The following TMEM135 variants were observed in gnomAD, a reference collection of about 807,000 sequenced individuals.
TMEM135 encodes peroxisomal membrane protein 52.
Under a neutral mutation model 60.3 loss-of-function variants are expected in TMEM135, and 30 were observed. That is an observed-to-expected ratio of 0.50 (90% CI 0.37 to 0.68). The LOEUF (loss-of-function observed/expected upper bound fraction) is 0.68, where lower values mean the gene tolerates loss of function less well. Ranked by LOEUF, TMEM135 falls within the 30% of genes least tolerant of loss-of-function variation. The pLI, the probability that TMEM135 is intolerant of heterozygous loss-of-function variation, is 0.00. For missense variants in TMEM135, 468 were observed against 548.8 expected, an observed-to-expected ratio of 0.85 and a Z score of 1.47; for synonymous variants, 190 against 186.7, an observed-to-expected ratio of 1.02 and a Z score of -0.14.
intron 3 of TMEM135, among the ~76,000 whole-genome samples, chr11:87,082,716 C>T (rs1007455814): frequency 1.3e-5 from 2 of 152,066 alleles, no homozygotes; most frequent in Non-Finnish European, 2.9e-5. Flanking sequence ...ATTTAAGGAG[C>T]CAGTTGTCAA....
Position 87,326,481 on chromosome 11 carries a change from C to A in TMEM135, c.*5148C>A. ...GATTATTTTTGGTCACCTAAGAGGA[C>A]CCTGAAGCTATAGTGCCAAAGGTTT... On this transcript the variant is annotated 3_prime_UTR_variant, in exon 15 of 15. Transcript: ENST00000305494. 1 of 454,040 alleles carries A rather than the reference C, an allele frequency of 2.2e-6. No homozygotes were observed. Among genetic ancestry groups the A allele is most frequent in the Non-Finnish European group, 4.4e-6 (1 of 226,784 alleles). 28.1% of individuals were successfully genotyped at this position (454,040 alleles called of 1,614,324 possible).
At chr11:87,273,893 C>G (rs1941918183) in intron 6 of TMEM135, among the ~76,000 whole-genome samples, 1 of 152,010 alleles carries the variant, frequency 6.6e-6, no homozygotes, top group East Asian at 1.9e-4. Context: ...TTTTTCCCCC[C>G]AAGATCATTG....
At chr11:87,056,990 T>G (rs190407565) in intron 1 of TMEM135, among the ~76,000 whole-genome samples, 56 of 152,218 alleles carry the variant, frequency 3.7e-4, no homozygotes, top group African/African-American at 1.3e-3. Flanking sequence ...AAAGAGTGTT[T>G]TGGTTTAAAG....
chr11:87,098,977 C>CACGTTTAGTTTTTAAA (rs1857392797), intron 4 of TMEM135, among the ~76,000 whole-genome samples: 1 of 152,106 alleles, frequency 6.6e-6, no homozygotes, highest in Non-Finnish European at 1.5e-5. Flanking sequence ...TGTGAGCCAC[C>CACGTTTAGTTTTTAAA]GTGCCCAGCC....
At chr11:87,147,856 C>G (rs1048010396) in intron 4 of TMEM135, among the ~76,000 whole-genome samples, 4 of 152,210 alleles carry the variant, frequency 2.6e-5, no homozygotes, top group Non-Finnish European at 5.9e-5. Context: ...CTCCTGGGTT[C>G]AAGTGATTCT....
At chr11:87,124,767 T>C (rs894606675) in intron 4 of TMEM135, among the ~76,000 whole-genome samples, 2 of 152,150 alleles carry the variant, frequency 1.3e-5, no homozygotes, top group Non-Finnish European at 2.9e-5. Flanking sequence ...TTTTCCTTCC[T>C]TTCTCCTCCT....
At chr11:87,109,042 G>T (rs1286766934) in intron 4 of TMEM135, among the ~76,000 whole-genome samples, 1 of 152,168 alleles carries the variant, frequency 6.6e-6, no homozygotes, top group Non-Finnish European at 1.5e-5. Flanking sequence ...TGGTGGGAGA[G>T]TAGGGAGTGA....
intron 6 of TMEM135, among the ~76,000 whole-genome samples, chr11:87,267,729 G>T (rs1448070122): frequency 6.6e-6 from 1 of 151,638 alleles, no homozygotes. Flanking sequence ...GAGTCAGTCT[G>T]TTGCCCAGGC....
intron 1 of TMEM135, among the ~76,000 whole-genome samples, chr11:87,054,534 C>G (rs2135119611): frequency 6.6e-6 from 1 of 152,306 alleles, no homozygotes; most frequent in South Asian, 2.1e-4. Context: ...AATCAAGTAT[C>G]ATCAGATTTG....
intron 6 of TMEM135, among the ~76,000 whole-genome samples, chr11:87,251,001 T>C (rs1941405112): frequency 6.6e-6 from 1 of 152,052 alleles, no homozygotes; most frequent in African/African-American, 2.4e-5. Context: ...GATATGAGGA[T>C]TGCTGCTTGG....
At chr11:87,174,709 C>G (rs1012501103) in intron 5 of TMEM135, among the ~76,000 whole-genome samples, 10 of 152,138 alleles carry the variant, frequency 6.6e-5, no homozygotes, top group African/African-American at 1.9e-4. Flanking sequence ...TCCTTGGAAA[C>G]TGTGACTTTA....
chr11:87,248,701 G>A (rs1439706942), intron 6 of TMEM135, among the ~76,000 whole-genome samples: 1 of 151,836 alleles, frequency 6.6e-6, no homozygotes, highest in African/African-American at 2.4e-5. Context: ...AGATTGCTTT[G>A]GGTAGTGTGG....
intron 6 of TMEM135, among the ~76,000 whole-genome samples, chr11:87,243,255 G>A (rs1346914459): frequency 1.4e-5 from 2 of 139,002 alleles, no homozygotes; most frequent in African/African-American, 5.4e-5. Context: ...GGTTACTGTA[G>A]CCTTGTAGTA....
chr11:87,112,188 C>G (rs1232773990), intron 4 of TMEM135, among the ~76,000 whole-genome samples: 1 of 152,152 alleles, frequency 6.6e-6, no homozygotes, highest in Non-Finnish European at 1.5e-5. Context: ...GCAGCCTCAG[C>G]ATGGATATTG....
chr11:87,144,161 T>C (rs1217101142), intron 4 of TMEM135, among the ~76,000 whole-genome samples: 1 of 152,140 alleles, frequency 6.6e-6, no homozygotes, highest in African/African-American at 2.4e-5. Context: ...ACAGAAATTA[T>C]TAGTAGAGCT....
intron 5 of TMEM135, among the ~76,000 whole-genome samples, chr11:87,160,189 C>T (rs1386061172): frequency 6.6e-6 from 1 of 152,146 alleles, no homozygotes; most frequent in Non-Finnish European, 1.5e-5. Flanking sequence ...GTGTTTCCTC[C>T]TCCCTGTTCT....
At chr11:87,077,065 C>T (rs745763763) in intron 3 of TMEM135, among the ~76,000 whole-genome samples, 3 of 152,184 alleles carry the variant, frequency 2.0e-5, no homozygotes, top group Non-Finnish European at 2.9e-5. Flanking sequence ...GTTTACCCAC[C>T]ACTACAATCA....
At chr11:87,199,334 C>A (rs1460576837) in intron 5 of TMEM135, among the ~76,000 whole-genome samples, 1 of 152,184 alleles carries the variant, frequency 6.6e-6, no homozygotes, top group Non-Finnish European at 1.5e-5. Context: ...ATTGACCTCT[C>A]CAAGACGGTG....
chr11:87,293,347 A>T (rs936020513), intron 6 of TMEM135, among the ~76,000 whole-genome samples: 2 of 152,044 alleles, frequency 1.3e-5, no homozygotes, highest in East Asian at 1.9e-4. Flanking sequence ...AAAGTAGATC[A>T]TGTTGCTTAA....
Sources: gnomAD v4.1 joint callset for allele counts (sites outside exome capture counted in the v4.1 genomes callset) on GRCh38, gnomAD v4.1.1 for gene constraint, MANE v1.5 for transcripts, NCBI Gene and HGNC (gene_info 2026-07-23, HGNC 2026-07-21) for gene names.